THAP3: variants seen among roughly 807,000 people sequenced by gnomAD.
THAP3 encodes the protein THAP domain-containing protein 3.
THAP3 carries 12 observed loss-of-function variants against 17.7 expected under a neutral mutation model. That is an observed-to-expected ratio of 0.68 (90% CI 0.43 to 1.10). THAP3 has a LOEUF of 1.10. Among genes scored for constraint, THAP3 ranks in the 50% least tolerant of loss-of-function variants. THAP3 has a pLI of 0.00. For synonymous variants in THAP3, 133 were observed against 126.9 expected (o/e 1.05, Z -0.32); for missense variants, 289 against 318.0 (o/e 0.91, Z 0.69).
At position 6,625,258 on chromosome 1, in the gene THAP3, T is replaced by C. The variant is rs905788557; in HGVS notation, c.40T>C (p.Tyr14His). 1.4e-5 allele frequency: 22 copies of C among 1,544,744 alleles called. No individual in the cohort carries two copies. In the African/African-American group the frequency reaches 2.5e-4, roughly 18 times the overall value. Reference sequence around the variant, plus strand: ...CGCGGCCCGGCAGTGCTGCAACCGCTACAGCAGCCGCAGGAAGCAGCTCAC... The same window carrying C: ...CGCGGCCCGGCAGTGCTGCAACCGCCACAGCAGCCGCAGGAAGCAGCTCAC... ...SCAARQCCNR[Y>H]SSRRKQLTFH... Residue 14 changes from tyrosine to histidine, a missense_variant, in exon 2 of 6, where the codon TAC becomes CAC. Physicochemically the swap from Tyr to His is moderately conservative, Grantham distance 83. Transcript: ENST00000054650.
intron 2 of THAP3, among the ~76,000 whole-genome samples, chr1:6,627,293 T>TG (rs1641491768): frequency 6.6e-6 from 1 of 152,224 alleles, no homozygotes. Flanking sequence ...CATCTCCAGA[T>TG]GCGTGTGGCC....
intron 1 of THAP3, 21 bp from the exon 2 acceptor site, chr1:6,625,129 C>G: frequency 7.2e-7 from 1 of 1,387,124 alleles, no homozygotes; most frequent in Non-Finnish European, 9.7e-7. Context: ...CACCTCCCAG[C>G]GGCCCCGCCC....
In THAP3 at chr1:6,633,533, G is replaced by A. The variant is rs932994321; in HGVS notation, c.*456G>A. 2.7e-6 allele frequency: 3 copies of A among 1,094,478 alleles called. No homozygotes were observed. The highest frequency in any genetic ancestry group is 3.3e-6 in the Non-Finnish European group (3 of 895,980). The allele number at this position is 1,094,478 out of a possible 1,614,324, so 67.8% of individuals were successfully genotyped here. A position where few individuals can be genotyped will look rare whatever the true frequency, so the allele number is the denominator to read the frequency against. On this transcript the variant is annotated 3_prime_UTR_variant, in exon 6 of 6. Coordinates refer to ENST00000054650, the MANE Select transcript of THAP3 (RefSeq NM_001195753.2). ...TGACTCCTGTCCCGGCCTGGTGTGAGTGGGCAGTGTAATAAAGTGTCTTTC... is the reference window on the plus strand; with the variant it reads ...TGACTCCTGTCCCGGCCTGGTGTGAATGGGCAGTGTAATAAAGTGTCTTTC...
chr1:6,635,387 C>G (rs535720100), downstream of THAP3: 2 of 389,544 alleles, frequency 5.1e-6, no homozygotes, highest in East Asian at 9.6e-5. Flanking sequence ...GTGCTCGGGA[C>G]ACAGCGGAGT....
Position 6,633,335 on chromosome 1 carries a change from G to A in THAP3, c.*258G>A. Reference sequence around the variant, plus strand: ...TCCTCCCATGGTAACAGAAGTCCAGGCTGAGGCTGATTCTGGACGCTGTCC... The same window carrying A: ...TCCTCCCATGGTAACAGAAGTCCAGACTGAGGCTGATTCTGGACGCTGTCC... On this transcript the variant is annotated 3_prime_UTR_variant, in exon 6 of 6. Coordinates refer to ENST00000054650, the MANE Select transcript of THAP3 (RefSeq NM_001195753.2). The A allele has an allele frequency of 1.5e-6, 2 of 1,370,970 alleles. No homozygotes were observed. The highest frequency in any genetic ancestry group is 1.9e-6 in the Non-Finnish European group (2 of 1,060,694). The allele number at this position is 1,370,970 out of a possible 1,614,324, so 84.9% of individuals were successfully genotyped here.
rs1369028319 is a variant in THAP3, at chr1:6,624,897, C to CGTCCTGGT, written c.-126_-119dup. 1.3e-4 allele frequency: 50 copies of CGTCCTGGT among 385,992 alleles called. No homozygotes were observed. Among genetic ancestry groups the CGTCCTGGT allele is most frequent in the Non-Finnish European group, 1.8e-4 (39 of 211,428 alleles). The allele number at this position is 385,992 out of a possible 1,614,324, so 23.9% of individuals were successfully genotyped here. ...TTGTCCAAGCCTGTGAGTGGCTATG[C>CGTCCTGGT]GTCCTGGTTGGGTGCTCAAAGCAAG... On this transcript the variant is annotated 5_prime_UTR_variant, in exon 1 of 6. An upstream open reading frame in the 5' UTR loses its in-frame stop. Coordinates refer to ENST00000054650, the MANE Select transcript of THAP3 (RefSeq NM_001195753.2).
At chr1:6,625,042 C>T (rs1641420923) in intron 1 of THAP3, 88 bp downstream of exon 1, 3 of 647,044 alleles carry the variant, frequency 4.6e-6, no homozygotes, top group African/African-American at 1.9e-5. Context: ...CGCCCCGGGT[C>T]CCGTCCGACC....
chr1:6,634,076 G>A, downstream of THAP3: 1 of 1,613,650 alleles, frequency 6.2e-7, no homozygotes, highest in Non-Finnish European at 8.5e-7. Flanking sequence ...CCTTGTGGTT[G>A]AGTGAGGAGT....
At chr1:6,626,265 G>A (rs1245454891) in intron 2 of THAP3, among the ~76,000 whole-genome samples, 2 of 151,974 alleles carry the variant, frequency 1.3e-5, no homozygotes, top group African/African-American at 4.8e-5. Context: ...CTATAATCTT[G>A]CCACTGCACT....
intron 4 of THAP3, among the ~76,000 whole-genome samples, chr1:6,631,318 T>C (rs1319966169): frequency 6.6e-6 from 1 of 152,064 alleles, no homozygotes; most frequent in Admixed American, 6.6e-5. Flanking sequence ...CACCTGGCCG[T>C]GCCTGATTTC....
At chr1:6,634,165 G>A, downstream of THAP3, 1 of 1,354,404 alleles carries the variant, frequency 7.4e-7, no homozygotes, top group African/African-American at 1.4e-5. Context: ...AAGAGCGCCA[G>A]CCTCTGCTTT....
chr1:6,629,895 G>A (rs1046273467), intron 3 of THAP3, among the ~76,000 whole-genome samples: 5 of 152,218 alleles, frequency 3.3e-5, no homozygotes, highest in Non-Finnish European at 7.3e-5. Flanking sequence ...TGCCAGCTCT[G>A]CTTTGTGGGC....
At chr1:6,627,932 C>T in intron 2 of THAP3, 1 of 155,094 alleles carries the variant, frequency 6.4e-6, no homozygotes. Context: ...CATGCAGTCC[C>T]CACTCCCTCT....
At chr1:6,631,178 AT>A (rs35284282) in intron 4 of THAP3, among the ~76,000 whole-genome samples, 73,262 of 140,128 alleles carry the variant, frequency 0.52, 19,315 homozygotes, top group Admixed American at 0.61. Context: ...CTAATTAAAA[AT>A]TTTTTTTTTT....
At chr1:6,630,046 A>G (rs973578976) in intron 3 of THAP3, among the ~76,000 whole-genome samples, 1 of 152,212 alleles carries the variant, frequency 6.6e-6, no homozygotes, top group Non-Finnish European at 1.5e-5. Context: ...ATGGGTCCCT[A>G]GCTCTACAGG....
intron 4 of THAP3, among the ~76,000 whole-genome samples, chr1:6,631,046 C>T (rs1185601740): frequency 6.6e-6 from 1 of 152,050 alleles, no homozygotes; most frequent in Non-Finnish European, 1.5e-5. Flanking sequence ...CACTCTGTTG[C>T]TCAGGCTCTG....
intron 2 of THAP3, 152 bp downstream of exon 2, chr1:6,625,444 C>G: frequency 4.5e-6 from 2 of 443,464 alleles, no homozygotes; most frequent in Non-Finnish European, 6.7e-6. Flanking sequence ...GGGCTGGCGC[C>G]GCCGCGCCCG....
intron 3 of THAP3, chr1:6,629,722 G>C (rs987790572): frequency 3.3e-5 from 5 of 153,538 alleles, no homozygotes; most frequent in African/African-American, 7.2e-5. Flanking sequence ...CCAGGTGCTC[G>C]GGGTATGTGT....
At position 6,630,286 on chromosome 1, in the gene THAP3, A is replaced by G. The variant is rs774810134; in HGVS notation, c.268-2A>G. 6.2e-7 allele frequency: 1 copy of G among 1,614,102 alleles called. No individual in the cohort carries two copies. The highest frequency in any genetic ancestry group is 1.1e-5 in the South Asian group (1 of 91,082). ...CATCCACTCTGTGTGTGTCTCTTGTAGCAGGTGAGGGAGAACACAGACCCT... is the reference window on the plus strand; with the variant it reads ...CATCCACTCTGTGTGTGTCTCTTGTGGCAGGTGAGGGAGAACACAGACCCT... On this transcript the variant is annotated splice_acceptor_variant, in intron 3 of 5. Coordinates refer to ENST00000054650, the MANE Select transcript of THAP3 (RefSeq NM_001195753.2). LOFTEE classifies it high-confidence loss of function.
Sources: gnomAD v4.1 joint callset for allele counts (sites outside exome capture counted in the v4.1 genomes callset) on GRCh38, gnomAD v4.1.1 for gene constraint, MANE v1.5 for transcripts, NCBI Gene and HGNC (gene_info 2026-07-23, HGNC 2026-07-21) for gene names.